SAMD12: variants seen among roughly 807,000 people sequenced by gnomAD.
SAMD12 encodes the protein sterile alpha motif domain-containing protein 12.
In SAMD12, 9 loss-of-function variants were observed where a neutral mutation model predicts 15.0. That is an observed-to-expected ratio of 0.60 (90% CI 0.36 to 1.05). SAMD12 has a LOEUF of 1.05. Ranked by LOEUF, SAMD12 falls within the 50% of genes least tolerant of loss-of-function variation. SAMD12 has a pLI of 0.01. For synonymous variants in SAMD12, 86 were observed against 90.1 expected (o/e 0.96, Z 0.25); for missense variants, 230 against 234.2 (o/e 0.98, Z 0.12).
Position 118,400,112 on chromosome 8 carries a change from CTATG to C in SAMD12, c.323-20416_323-20413del, listed in dbSNP as rs1422804097. Among the ~76,000 whole-genome samples the C allele has an allele frequency of 2.0e-5, 3 of 152,270 alleles. No individual in the cohort carries two copies. The East Asian group carries it at 5.8e-4, about 29-fold the overall frequency. On this transcript the variant is annotated intron_variant, in intron 3 of 3. Coordinates refer to ENST00000314727, the MANE Select transcript of SAMD12 (RefSeq NM_207506.3). The stretch of plus-strand genomic sequence containing the variant: ...TGAGCACCATGTAAATCATAAATAC[CTATG>C]TATGTATACACATGCATATATTTTC...
At chr8:118,551,312 T>G (rs1369519678) in intron 2 of SAMD12, among the ~76,000 whole-genome samples, 2 of 152,048 alleles carry the variant, frequency 1.3e-5, no homozygotes, top group Admixed American at 1.3e-4. Flanking sequence ...AGAACAGAAA[T>G]TATAACAAAC....
chr8:118,473,742 A>G (rs1586746088), intron 2 of SAMD12, among the ~76,000 whole-genome samples: 1 of 152,210 alleles, frequency 6.6e-6, no homozygotes, highest in East Asian at 1.9e-4. Context: ...CCTGGGAAGC[A>G]TTGCTCTCAC....
chr8:118,327,987 T>C (rs538307331), intron 4 of SAMD12, among the ~76,000 whole-genome samples: 2 of 152,348 alleles, frequency 1.3e-5, no homozygotes, highest in South Asian at 4.1e-4. Context: ...AGTCTTATTA[T>C]AGATACTATA....
At chr8:118,511,239 G>A (rs898075304) in intron 2 of SAMD12, among the ~76,000 whole-genome samples, 28 of 152,176 alleles carry the variant, frequency 1.8e-4, no homozygotes, top group African/African-American at 6.5e-4. Flanking sequence ...TCAGAATGAT[G>A]GGAATGGGAA....
intron 2 of SAMD12, among the ~76,000 whole-genome samples, chr8:118,504,549 T>C (rs552601359): frequency 2.6e-5 from 4 of 152,324 alleles, no homozygotes; most frequent in African/African-American, 4.8e-5. Context: ...GTTATGCCCA[T>C]GTCTTAATCC....
At chr8:118,297,620 T>A (rs981517654) in intron 4 of SAMD12, among the ~76,000 whole-genome samples, 3 of 152,166 alleles carry the variant, frequency 2.0e-5, no homozygotes, top group Non-Finnish European at 4.4e-5. Context: ...ATTAAAAAAA[T>A]TTTTTTGGTA....
chr8:118,157,119 T>C, the SAMD12 span, among the ~76,000 whole-genome samples: 36 of 143,154 alleles, frequency 2.5e-4, no homozygotes, highest in Admixed American at 1.4e-3. Context: ...AGCTATAAAG[T>C]CAAGATGAGA....
chr8:118,511,909 G>C (rs182819122), intron 2 of SAMD12, among the ~76,000 whole-genome samples: 1 of 152,112 alleles, frequency 6.6e-6, no homozygotes, highest in Non-Finnish European at 1.5e-5. Flanking sequence ...GCTACTTTTA[G>C]GATGAAAAGA....
intron 1 of SAMD12, among the ~76,000 whole-genome samples, chr8:118,602,342 T>C (rs1320220543): frequency 6.6e-6 from 1 of 152,238 alleles, no homozygotes; most frequent in African/African-American, 2.4e-5. Context: ...GTGTGCAAGA[T>C]CTGAATTCAT....
intron 3 of SAMD12, among the ~76,000 whole-genome samples, chr8:118,399,558 T>A (rs761462939): frequency 7.6e-4 from 116 of 152,200 alleles, no homozygotes; most frequent in African/African-American, 2.4e-3. Context: ...GTACCCTAGT[T>A]CCAACTCAGG....
chr8:118,360,029 C>T (rs1818412103), intron 4 of SAMD12, among the ~76,000 whole-genome samples: 1 of 152,142 alleles, frequency 6.6e-6, no homozygotes, highest in Non-Finnish European at 1.5e-5. Context: ...TGAGGTGGAG[C>T]TCTGGGTCAA....
intron 2 of SAMD12, among the ~76,000 whole-genome samples, chr8:118,516,769 C>G (rs1825256641): frequency 6.6e-6 from 1 of 151,706 alleles, no homozygotes; most frequent in Admixed American, 6.6e-5. Flanking sequence ...CTCCCGAGTA[C>G]CTGGGACTAC....
At chr8:118,149,004 T>C in the SAMD12 span, among the ~76,000 whole-genome samples, 3 of 152,254 alleles carry the variant, frequency 2.0e-5, no homozygotes, top group Non-Finnish European at 2.9e-5. Flanking sequence ...TGCATGCAAA[T>C]CTTTGTGTGG....
At chr8:118,218,081 T>A (rs1812004470) in intron 4 of SAMD12, among the ~76,000 whole-genome samples, 1 of 152,140 alleles carries the variant, frequency 6.6e-6, no homozygotes, top group African/African-American at 2.4e-5. Flanking sequence ...AACACCCAAG[T>A]TGGTCTGTAC....
At chr8:118,511,279 G>A (rs767686607) in intron 2 of SAMD12, among the ~76,000 whole-genome samples, 12 of 152,158 alleles carry the variant, frequency 7.9e-5, no homozygotes, top group Non-Finnish European at 1.6e-4. Flanking sequence ...TTATTTAGAG[G>A]AACTCACAGC....
At chr8:118,145,168 G>A in the SAMD12 span, among the ~76,000 whole-genome samples, 1 of 152,164 alleles carries the variant, frequency 6.6e-6, no homozygotes, top group Non-Finnish European at 1.5e-5. Context: ...CAGTTTTATA[G>A]CTGCTGTGTA....
At chr8:118,282,256 G>A (rs1586419713) in intron 4 of SAMD12, 1 of 456,202 alleles carries the variant, frequency 2.2e-6, no homozygotes, top group East Asian at 7.0e-5. Context: ...AAACACCTAA[G>A]AGGAACTTTT....
the SAMD12 span, among the ~76,000 whole-genome samples, chr8:118,156,808 T>C: frequency 6.6e-6 from 1 of 152,186 alleles, no homozygotes; most frequent in East Asian, 1.9e-4. Flanking sequence ...TAGAGTGACA[T>C]TCCTAGATAG....
At chr8:118,478,221 T>C (rs764550863) in intron 2 of SAMD12, among the ~76,000 whole-genome samples, 30 of 152,186 alleles carry the variant, frequency 2.0e-4, no homozygotes, top group Admixed American at 5.2e-4. Context: ...CCTTTGAGCC[T>C]TAGATAATTA....
Sources: allele counts gnomAD v4.1 joint callset (sites outside exome capture counted in the v4.1 genomes callset), GRCh38; gene constraint gnomAD v4.1.1; transcripts MANE v1.5; gene names NCBI Gene and HGNC (gene_info 2026-07-23, HGNC 2026-07-21).